Variants in KCNMA1 observed in about 807,000 individuals in gnomAD.
KCNMA1 encodes the protein Calcium-activated potassium channel subunit alpha-1.
Under a neutral mutation model 140.0 loss-of-function variants are expected in KCNMA1, and 29 were observed. The ratio of observed to expected loss-of-function variants is 0.21; its 90% CI spans 0.15 to 0.28. The LOEUF (loss-of-function observed/expected upper bound fraction) is 0.28. Among genes scored for constraint, KCNMA1 ranks in the 10% least tolerant of loss-of-function variants. The probability of loss-of-function intolerance (pLI) is 1.00; values close to 1 mark genes in which losing one functional copy is unlikely to be tolerated. For synonymous variants in KCNMA1, 612 were observed against 611.9 expected, an observed-to-expected ratio of 1.00 and a Z score of 0.00; for missense variants, 880 against 1,602.2, an observed-to-expected ratio of 0.55 and a Z score of 7.70.
chr10:77,058,912 G>T (rs1256012906), intron 14 of KCNMA1, among the ~76,000 whole-genome samples: 2 of 151,100 alleles, frequency 1.3e-5, no homozygotes, highest in Non-Finnish European at 3.0e-5. Flanking sequence ...AAAAAATACA[G>T]GAAATAATAA....
At chr10:76,974,553 G>C in intron 19 of KCNMA1, 1 of 1,548,568 alleles carries the variant, frequency 6.5e-7, no homozygotes, top group South Asian at 1.2e-5. Flanking sequence ...TTGGAATAGC[G>C]TGATCTAGCT....
intron 9 of KCNMA1, among the ~76,000 whole-genome samples, chr10:77,106,162 G>A (rs919104084): frequency 8.5e-5 from 13 of 152,104 alleles, no homozygotes; most frequent in Non-Finnish European, 1.8e-4. Flanking sequence ...GAACAGGCCC[G>A]GTGCTGATGA....
At chr10:77,061,544 T>C (rs371998788) in intron 14 of KCNMA1, among the ~76,000 whole-genome samples, 1 of 152,212 alleles carries the variant, frequency 6.6e-6, no homozygotes, top group Non-Finnish European at 1.5e-5. Context: ...AACTCCTGCA[T>C]TGCTTGCTGA....
intron 2 of KCNMA1, among the ~76,000 whole-genome samples, chr10:77,265,391 C>T (rs1343885692): frequency 2.6e-5 from 4 of 152,194 alleles, no homozygotes; most frequent in African/African-American, 4.8e-5. Context: ...GATGCTGATG[C>T]TGCTGGTTCA....
At chr10:77,083,665 C>T (rs1193986759) in intron 12 of KCNMA1, among the ~76,000 whole-genome samples, 1 of 151,234 alleles carries the variant, frequency 6.6e-6, no homozygotes, top group East Asian at 1.9e-4. Flanking sequence ...CCTGTCCCTA[C>T]TAAAAAAAAA....
chr10:77,156,591 G>T (rs1379798277), intron 5 of KCNMA1, among the ~76,000 whole-genome samples: 1 of 152,190 alleles, frequency 6.6e-6, no homozygotes, highest in Admixed American at 6.5e-5. Flanking sequence ...CTAACGAAAG[G>T]CCATAAGGTT....
intron 2 of KCNMA1, among the ~76,000 whole-genome samples, chr10:77,355,849 G>T (rs1286175679): frequency 6.6e-6 from 1 of 151,706 alleles, no homozygotes; most frequent in East Asian, 1.9e-4. Context: ...GGTAAAAGGA[G>T]AAGGCAGAGT....
chr10:76,997,969 T>G (rs2084942418), intron 19 of KCNMA1, among the ~76,000 whole-genome samples: 1 of 152,200 alleles, frequency 6.6e-6, no homozygotes, highest in Admixed American at 6.5e-5. Context: ...CGGTCACAAT[T>G]TGCCTTACTT....
At chr10:77,081,656 C>T (rs1340268860) in intron 12 of KCNMA1, among the ~76,000 whole-genome samples, 1 of 152,184 alleles carries the variant, frequency 6.6e-6, no homozygotes, top group Non-Finnish European at 1.5e-5. Context: ...CAAATTCACC[C>T]TGCGTTTTTG....
At chr10:77,451,713 T>C (rs1012432977) in intron 1 of KCNMA1, among the ~76,000 whole-genome samples, 5 of 152,300 alleles carry the variant, frequency 3.3e-5, no homozygotes, top group Middle Eastern at 6.8e-3. Flanking sequence ...TTCAAGCACC[T>C]GCCTCACCTG....
intron 19 of KCNMA1, among the ~76,000 whole-genome samples, chr10:76,989,678 C>T (rs561790120): frequency 3.9e-5 from 6 of 152,194 alleles, no homozygotes; most frequent in African/African-American, 7.2e-5. Flanking sequence ...AGAAATTAAA[C>T]AAATTGACTC....
chr10:77,018,869 G>T, intron 17 of KCNMA1, 144 bp downstream of exon 17: 1 of 675,558 alleles, frequency 1.5e-6, no homozygotes, highest in Non-Finnish European at 2.7e-6. Context: ...TACATGAACT[G>T]GAGTCCGTGG....
chr10:77,438,721 G>T (rs1361945006), intron 1 of KCNMA1, among the ~76,000 whole-genome samples: 1 of 152,206 alleles, frequency 6.6e-6, no homozygotes, highest in Non-Finnish European at 1.5e-5. Context: ...GCAGAGCCAG[G>T]ATTGGCTACT....
intron 3 of KCNMA1, among the ~76,000 whole-genome samples, chr10:77,219,578 T>A (rs561559266): frequency 1.8e-3 from 271 of 152,302 alleles, no homozygotes; most frequent in African/African-American, 6.3e-3. Context: ...CACCATATGA[T>A]TTCTCAGAAA....
At chr10:77,234,229 C>A (rs1218800887) in intron 3 of KCNMA1, among the ~76,000 whole-genome samples, 2 of 152,140 alleles carry the variant, frequency 1.3e-5, no homozygotes, top group East Asian at 3.9e-4. Flanking sequence ...TATATTATGC[C>A]TTTATAAATA....
intron 6 of KCNMA1, among the ~76,000 whole-genome samples, chr10:77,114,430 G>T (rs966634821): frequency 6.6e-6 from 1 of 152,148 alleles, no homozygotes; most frequent in African/African-American, 2.4e-5. Flanking sequence ...CTGTCCAAAG[G>T]CTTCTTGTTG....
At chr10:77,087,724 C>A (rs2096725466) in intron 10 of KCNMA1, among the ~76,000 whole-genome samples, 2 of 152,152 alleles carry the variant, frequency 1.3e-5, no homozygotes, top group South Asian at 4.1e-4. Context: ...TTTGTTAATT[C>A]TGCAGAGATG....
At chr10:77,307,474 G>A (rs1232536346) in intron 2 of KCNMA1, among the ~76,000 whole-genome samples, 1 of 152,218 alleles carries the variant, frequency 6.6e-6, no homozygotes, top group African/African-American at 2.4e-5. Context: ...CAAAATAGGT[G>A]TTGGGTTAGA....
chr10:77,359,012 G>A (rs774660286), intron 2 of KCNMA1, among the ~76,000 whole-genome samples: 2 of 152,132 alleles, frequency 1.3e-5, no homozygotes, highest in Admixed American at 6.5e-5. Flanking sequence ...TTTTGTGCAT[G>A]TGCCCACACC....
Sources: allele counts gnomAD v4.1 joint callset (sites outside exome capture counted in the v4.1 genomes callset), GRCh38; gene constraint gnomAD v4.1.1; transcripts MANE v1.5; gene names NCBI Gene and HGNC (gene_info 2026-07-23, HGNC 2026-07-21).